BRINP3: variants seen among roughly 807,000 people sequenced by gnomAD.
The protein encoded by BRINP3 is BMP/retinoic acid-inducible neural-specific protein 3.
Under a neutral mutation model 71.0 loss-of-function variants are expected in BRINP3, and 19 were observed. That is an observed-to-expected ratio of 0.27 (90% CI 0.19 to 0.39). BRINP3 has a LOEUF of 0.39. BRINP3 is among the 10% of genes least tolerant of loss of function. BRINP3 has a pLI of 1.00. For synonymous variants in BRINP3, 380 were observed against 337.7 expected (o/e 1.13, Z -1.37); for missense variants, 959 against 940.8 (o/e 1.02, Z -0.25).
At chr1:190,300,548 C>A (rs1042007226) in intron 2 of BRINP3, among the ~76,000 whole-genome samples, 4 of 152,128 alleles carry the variant, frequency 2.6e-5, no homozygotes, top group Non-Finnish European at 5.9e-5. Context: ...TTGAAGAGAG[C>A]AGTGGTTCTC....
intron 2 of BRINP3, among the ~76,000 whole-genome samples, chr1:190,345,516 T>A (rs1667958328): frequency 6.6e-6 from 1 of 151,520 alleles, no homozygotes; most frequent in Non-Finnish European, 1.5e-5. Context: ...GTCATATATA[T>A]CTATTTCATC....
Position 190,258,835 on chromosome 1 carries a change from C to A in BRINP3, c.618+6030G>T, listed in dbSNP as rs1660908785. On this transcript the variant is annotated intron_variant, in intron 4 of 7. Transcript: ENST00000367462. ...ATAAATGTTTGGAGGAGCCATGTAG[C>A]CACAAGATAAAGCTGAACAAGGGCT... Among the ~76,000 whole-genome samples the A allele has an allele frequency of 5.3e-5, 8 of 152,146 alleles. No homozygotes were observed. The South Asian group carries it at 1.0e-3, about 20-fold the overall frequency.
At chr1:190,241,737 G>GT (rs1377574957) in intron 4 of BRINP3, among the ~76,000 whole-genome samples, 1 of 151,778 alleles carries the variant, frequency 6.6e-6, no homozygotes, top group African/African-American at 2.4e-5. Context: ...TAAAATACAA[G>GT]TGTTGATTAG....
intron 2 of BRINP3, among the ~76,000 whole-genome samples, chr1:190,423,846 A>G (rs1673534166): frequency 6.6e-6 from 1 of 151,656 alleles, no homozygotes. Flanking sequence ...TTTACATTAC[A>G]TTATTTTTCT....
At chr1:190,451,343 C>A (rs544754431) in intron 2 of BRINP3, among the ~76,000 whole-genome samples, 13 of 152,088 alleles carry the variant, frequency 8.5e-5, no homozygotes, top group African/African-American at 2.2e-4. Context: ...AAAATGAGTC[C>A]CTTGTCTAGA....
At chr1:190,122,154 A>G (rs1361208651) in intron 7 of BRINP3, among the ~76,000 whole-genome samples, 1 of 152,140 alleles carries the variant, frequency 6.6e-6, no homozygotes, top group Non-Finnish European at 1.5e-5. Flanking sequence ...TCTTTTTAGT[A>G]TCATTTTCTG....
intron 3 of BRINP3, among the ~76,000 whole-genome samples, chr1:190,267,170 C>A (rs1217556122): frequency 1.3e-5 from 2 of 151,986 alleles, no homozygotes; most frequent in Admixed American, 1.3e-4. Flanking sequence ...AAATTGTAAA[C>A]CTTATGTTAA....
intron 2 of BRINP3, among the ~76,000 whole-genome samples, chr1:190,380,247 A>T (rs745355937): frequency 4.6e-5 from 7 of 152,052 alleles, no homozygotes; most frequent in Non-Finnish European, 1.0e-4. Flanking sequence ...AATGGATTCA[A>T]TGTGGTTAAT....
chr1:190,248,341 C>T (rs1217101666), intron 4 of BRINP3, among the ~76,000 whole-genome samples: 1 of 151,244 alleles, frequency 6.6e-6, no homozygotes, highest in East Asian at 1.9e-4. Flanking sequence ...GCACATCTGC[C>T]TTTCATTAAT....
At chr1:190,405,493 C>CAAAAAA (rs1491336288) in intron 2 of BRINP3, among the ~76,000 whole-genome samples, 2 of 78,260 alleles carry the variant, frequency 2.6e-5, no homozygotes, top group Non-Finnish European at 4.8e-5. Context: ...AAAAAAAAAA[C>CAAAAAA]CAGAATCAGA....
At chr1:190,413,899 A>G (rs559827793) in intron 2 of BRINP3, among the ~76,000 whole-genome samples, 39 of 152,262 alleles carry the variant, frequency 2.6e-4, no homozygotes, top group African/African-American at 5.5e-4. Flanking sequence ...AAAACCACTG[A>G]AAAAAAATGT....
chr1:190,206,245 A>G (rs144933525), intron 6 of BRINP3, among the ~76,000 whole-genome samples: 101 of 152,172 alleles, frequency 6.6e-4, no homozygotes, highest in Middle Eastern at 3.4e-3. Context: ...AATTGTTAAA[A>G]TAAACATGGA....
chr1:190,141,804 T>G (rs1225431141), intron 7 of BRINP3, among the ~76,000 whole-genome samples: 1 of 151,852 alleles, frequency 6.6e-6, no homozygotes, highest in African/African-American at 2.4e-5. Flanking sequence ...GTGATCAGCC[T>G]GCCACGGCCT....
intron 2 of BRINP3, among the ~76,000 whole-genome samples, chr1:190,327,778 A>G (rs1489639177): frequency 1.3e-5 from 2 of 152,110 alleles, no homozygotes. Flanking sequence ...TGCTGAATTT[A>G]AACTGACCAC....
At chr1:190,235,029 G>T (rs1658379275) in intron 4 of BRINP3, among the ~76,000 whole-genome samples, 1 of 151,966 alleles carries the variant, frequency 6.6e-6, no homozygotes, top group Admixed American at 6.6e-5. Context: ...CATTCATTCT[G>T]TGCCTTTGCT....
At chr1:190,373,197 C>T (rs1449853581) in intron 2 of BRINP3, among the ~76,000 whole-genome samples, 2 of 152,100 alleles carry the variant, frequency 1.3e-5, no homozygotes, top group African/African-American at 4.8e-5. Context: ...CCAGATCAGC[C>T]TGGCTAACAT....
chr1:190,337,110 A>ACATGTG (rs1667340360), intron 2 of BRINP3, among the ~76,000 whole-genome samples: 1 of 151,970 alleles, frequency 6.6e-6, no homozygotes, highest in East Asian at 1.9e-4. Flanking sequence ...TTGATGTTGA[A>ACATGTG]GTTATGTTTA....
chr1:190,427,474 A>G (rs2102489204), intron 2 of BRINP3, among the ~76,000 whole-genome samples: 1 of 152,158 alleles, frequency 6.6e-6, no homozygotes, highest in Non-Finnish European at 1.5e-5. Context: ...AAATAGTTGA[A>G]TGTAAATCAC....
At chr1:190,134,620 C>T (rs1211645297) in intron 7 of BRINP3, among the ~76,000 whole-genome samples, 1 of 151,960 alleles carries the variant, frequency 6.6e-6, no homozygotes, top group African/African-American at 2.4e-5. Context: ...TCTAAAGAGT[C>T]TCCAGAGACA....
Sources: gnomAD v4.1 joint callset for allele counts (sites outside exome capture counted in the v4.1 genomes callset) on GRCh38, gnomAD v4.1.1 for gene constraint, MANE v1.5 for transcripts, NCBI Gene and HGNC (gene_info 2026-07-23, HGNC 2026-07-21) for gene names.